Variants in PGAM5 observed in about 807,000 individuals in gnomAD.
PGAM5 encodes the protein PGAM family member 5, mitochondrial serine/threonine protein phosphatase.
PGAM5 carries 25 observed loss-of-function variants against 30.6 expected under a neutral mutation model. The observed-to-expected ratio is 0.82, with a 90% CI of 0.60 to 1.14. The LOEUF (loss-of-function observed/expected upper bound fraction) is 1.14. PGAM5 is among the 50% of genes most tolerant of loss of function. The pLI, the probability that PGAM5 is intolerant of heterozygous loss-of-function variation, is 0.00. For missense variants in PGAM5, 384 were observed against 408.5 expected (o/e 0.94, Z 0.52); for synonymous variants, 201 against 179.1 (o/e 1.12, Z -0.98).
intron 5 of PGAM5, chr12:132,719,200 G>A: frequency 8.6e-7 from 1 of 1,166,516 alleles, no homozygotes; most frequent in East Asian, 6.5e-5. Context: ...TAGGAAATGT[G>A]TGTGTGGGCT....
intron 5 of PGAM5, among the ~76,000 whole-genome samples, chr12:132,719,463 G>T (rs201954716): frequency 6.6e-6 from 1 of 152,318 alleles, no homozygotes; most frequent in East Asian, 1.9e-4. Context: ...TGGAGCCTCC[G>T]GGTGGTGTGG....
In PGAM5 at chr12:132,720,804, T is replaced by C. The variant is rs777393960; in HGVS notation, c.846T>C (p.Pro282=). The change falls in exon 6 of 6, where the codon CCT becomes CCC. Residue 282 remains proline, a synonymous_variant. Transcript: ENST00000498926. ...CCCTCGGGGACACGGGGTTCATGCC[T>C]CCCGACAAGATCACTCGATCCTGAG... The part of the protein sequence containing the change: ...LRTLGDTGFM[P]PDKITRS 33 of 1,536,258 alleles carry C rather than the reference T, an allele frequency of 2.1e-5. No individual in the cohort carries two copies. The South Asian group carries it at 3.4e-4, about 16-fold the overall frequency.
At chr12:132,716,312 C>T (rs1169654951) in intron 2 of PGAM5, among the ~76,000 whole-genome samples, 2 of 151,956 alleles carry the variant, frequency 1.3e-5, no homozygotes, top group Non-Finnish European at 2.9e-5. Flanking sequence ...GTCTCTATCT[C>T]CTGACCTTGT....
intron 2 of PGAM5, among the ~76,000 whole-genome samples, chr12:132,717,006 G>A (rs2043584279): frequency 6.6e-6 from 1 of 152,206 alleles, no homozygotes; most frequent in Admixed American, 6.5e-5. Context: ...GGGTGTTTAG[G>A]TCCCGCTGTG....
At chr12:132,713,502 T>G (rs1196911477) in intron 1 of PGAM5, among the ~76,000 whole-genome samples, 1 of 152,148 alleles carries the variant, frequency 6.6e-6, no homozygotes, top group African/African-American at 2.4e-5. Flanking sequence ...CCCCCATACC[T>G]GCCAATTTGA....
At chr12:132,713,591 C>T (rs2043543236) in intron 1 of PGAM5, among the ~76,000 whole-genome samples, 1 of 152,228 alleles carries the variant, frequency 6.6e-6, no homozygotes, top group South Asian at 2.1e-4. Flanking sequence ...TGCCCTTCCA[C>T]AGCTTCCTTT....
intron 1 of PGAM5, 93 bp from the exon 2 acceptor site, chr12:132,714,765 A>G: frequency 2.1e-6 from 3 of 1,453,220 alleles, no homozygotes; most frequent in East Asian, 2.3e-5. Flanking sequence ...TGCTCTTCCC[A>G]AATAGTCTGA....
At chr12:132,714,769 A>G in intron 1 of PGAM5, 89 bp from the exon 2 acceptor site, 1 of 1,447,638 alleles carries the variant, frequency 6.9e-7, no homozygotes, top group Non-Finnish European at 9.5e-7. Flanking sequence ...CTTCCCAAAT[A>G]GTCTGACAAT....
intron 2 of PGAM5, 74 bp from the exon 3 acceptor site, chr12:132,717,355 GGCGTGTTTGC>G: frequency 9.8e-6 from 14 of 1,430,390 alleles, no homozygotes; most frequent in South Asian, 2.5e-5. Context: ...GGTGGAGGAG[GGCGTGTTTGC>G]GGGCGGAGGA....
In PGAM5 at chr12:132,720,749, TC is replaced by T; in HGVS notation, c.793del (p.Arg265AspfsTer88). On this transcript the variant is annotated frameshift_variant, in exon 6 of 6. Transcript: ENST00000498926. LOFTEE classifies it high-confidence loss of function. ...AATGGCAGCATCACCCACCTGGTGA[TC>T]CGACCCAACGGCCGAGTTGCGCTCA... ...LNNGSITHLV[I>X]RPNGRVALRT... is the part of the protein sequence containing the mutation. The T allele has an allele frequency of 6.5e-7, 1 of 1,536,252 alleles. No homozygotes were observed. Among genetic ancestry groups the T allele is most frequent in the Non-Finnish European group, 8.7e-7 (1 of 1,146,872 alleles).
At chr12:132,716,142 G>C (rs2043575368) in intron 2 of PGAM5, among the ~76,000 whole-genome samples, 5 of 151,972 alleles carry the variant, frequency 3.3e-5, no homozygotes. Context: ...CTGGAGTGCA[G>C]TGACGTGATC....
intron 1 of PGAM5, among the ~76,000 whole-genome samples, chr12:132,712,709 G>A (rs2043535000): frequency 6.6e-6 from 1 of 151,904 alleles, no homozygotes; most frequent in Non-Finnish European, 1.5e-5. Flanking sequence ...TCCCACCTCG[G>A]CCTCCCAAAG....
At chr12:132,714,456 C>G (rs1167162955) in intron 1 of PGAM5, among the ~76,000 whole-genome samples, 1 of 152,234 alleles carries the variant, frequency 6.6e-6, no homozygotes, top group Non-Finnish European at 1.5e-5. Context: ...GCTGAAGCAT[C>G]ATGGTCAGGG....
rs959913804 is a variant in PGAM5, at chr12:132,721,910, T to A, written c.*1082T>A. On this transcript the variant is annotated 3_prime_UTR_variant, in exon 6 of 6. Transcript: ENST00000498926. ...GAGCCATCGTGCCTGGCCTAAAAAA[T>A]TTTTTTTTCTTCATCTGGGTTTTTG... 9 of 151,846 alleles carry A rather than the reference T, an allele frequency of 5.9e-5. No homozygotes were observed. The highest frequency in any genetic ancestry group is 1.2e-4 in the Non-Finnish European group (8 of 67,966). The allele number at this position is 151,846 out of a possible 1,614,324, so 9.4% of individuals were successfully genotyped here. A position where few individuals can be genotyped will look rare whatever the true frequency, so the allele number is the denominator to read the frequency against.
At chr12:132,719,705 C>T (rs953017995) in intron 5 of PGAM5, among the ~76,000 whole-genome samples, 7 of 152,254 alleles carry the variant, frequency 4.6e-5, no homozygotes, top group South Asian at 2.1e-4. Flanking sequence ...CACCTGGACA[C>T]GAGAATATGG....
intron 5 of PGAM5, among the ~76,000 whole-genome samples, chr12:132,719,698 C>T (rs2043623780): frequency 6.6e-6 from 1 of 152,268 alleles, no homozygotes; most frequent in Non-Finnish European, 1.5e-5. Flanking sequence ...GCACGTGCAC[C>T]TGGACACGAG....
Position 132,718,260 on chromosome 12 carries a change from C to T in PGAM5, c.719+140C>T, listed in dbSNP as rs548906286. 236 of 1,100,944 alleles carry T rather than the reference C, an allele frequency of 2.1e-4. No individual in the cohort carries two copies. The African/African-American group carries it at 3.1e-3, about 14-fold the overall frequency. The allele number at this position is 1,100,944 out of a possible 1,614,324, so 68.2% of individuals were successfully genotyped here. On this transcript the variant is annotated intron_variant, in intron 5 of 5. Coordinates refer to ENST00000498926, the MANE Select transcript of PGAM5 (RefSeq NM_001170543.2). Reference sequence around the variant, plus strand: ...CACCAGCCCCCGGGCGTCCACTTCCCGCGAGTCCTAGTCAGTTACGCGGTA... The same window carrying T: ...CACCAGCCCCCGGGCGTCCACTTCCTGCGAGTCCTAGTCAGTTACGCGGTA...
In PGAM5 at chr12:132,720,781, C is replaced by A; in HGVS notation, c.823C>A (p.Leu275Ile). The change falls in exon 6 of 6, where the codon CTC becomes ATC. Residue 275 changes from leucine to isoleucine, a missense_variant. Leu to Ile is a conservative substitution (Grantham distance 5). Coordinates refer to ENST00000498926, the MANE Select transcript of PGAM5 (RefSeq NM_001170543.2). ...RPNGRVALRT[L>I]GDTGFMPPDK... The stretch of plus-strand genomic sequence containing the variant: ...CAACGGCCGAGTTGCGCTCAGGACC[C>A]TCGGGGACACGGGGTTCATGCCTCC... 6.5e-7 allele frequency: 1 copy of A among 1,536,490 alleles called. No homozygotes were observed. Among genetic ancestry groups the A allele is most frequent in the Non-Finnish European group, 8.7e-7 (1 of 1,146,882 alleles).
At chr12:132,716,205 G>A (rs1190534781) in intron 2 of PGAM5, among the ~76,000 whole-genome samples, 1 of 151,806 alleles carries the variant, frequency 6.6e-6, no homozygotes, top group Non-Finnish European at 1.5e-5. Flanking sequence ...CCTGCCTCAG[G>A]CTCCCAAGTA....
Sources: gnomAD v4.1 joint callset for allele counts (sites outside exome capture counted in the v4.1 genomes callset) on GRCh38, gnomAD v4.1.1 for gene constraint, MANE v1.5 for transcripts, NCBI Gene and HGNC (gene_info 2026-07-23, HGNC 2026-07-21) for gene names.